Variants in VAX2 observed in about 807,000 individuals in gnomAD.
The protein encoded by VAX2 is ventral anterior homeobox 2.
Under a neutral mutation model 12.5 loss-of-function variants are expected in VAX2, and 8 were observed. The ratio of observed to expected loss-of-function variants is 0.64; its 90% CI spans 0.37 to 1.15. The LOEUF is 1.15. VAX2 is among the 50% of genes most tolerant of loss of function. The pLI is 0.01. For missense variants in VAX2, 476 were observed against 412.9 expected (o/e 1.15, Z -1.32); for synonymous variants, 183 against 187.6 (o/e 0.98, Z 0.20).
chr2:70,913,534 G>C (rs1023509819), intron 1 of VAX2, among the ~76,000 whole-genome samples: 13 of 152,138 alleles, frequency 8.5e-5, no homozygotes, highest in Admixed American at 7.9e-4. Flanking sequence ...AAAATTAGCG[G>C]GCATGGTGGT....
chr2:70,902,697 A>C (rs1249041790), intron 1 of VAX2, among the ~76,000 whole-genome samples: 1 of 152,214 alleles, frequency 6.6e-6, no homozygotes, highest in Non-Finnish European at 1.5e-5. Flanking sequence ...GATGTCAATT[A>C]AATAGCCTTC....
chr2:70,910,185 A>G (rs554069882), intron 1 of VAX2, among the ~76,000 whole-genome samples: 1 of 152,200 alleles, frequency 6.6e-6, no homozygotes, highest in South Asian at 2.1e-4. Context: ...TAATAATTAC[A>G]GCAGAATAGA....
At chr2:70,931,945 GCTT>G (rs1553414378) in intron 2 of VAX2, among the ~76,000 whole-genome samples, 1 of 152,200 alleles carries the variant, frequency 6.6e-6, no homozygotes, top group African/African-American at 2.4e-5. Flanking sequence ...TAAAACACTG[GCTT>G]CTTCACCTTG....
chr2:70,932,150 G>T (rs987192579), intron 2 of VAX2, among the ~76,000 whole-genome samples: 1 of 152,180 alleles, frequency 6.6e-6, no homozygotes, highest in Non-Finnish European at 1.5e-5. Context: ...AGGGAGAGAG[G>T]AGGGTCTGTT....
intron 1 of VAX2, among the ~76,000 whole-genome samples, chr2:70,901,286 G>T (rs1256162052): frequency 1.3e-5 from 2 of 152,264 alleles, no homozygotes; most frequent in African/African-American, 4.8e-5. Context: ...GGAGGAAAAG[G>T]CCCCGGCTCT....
chr2:70,931,442 C>T (rs999132269), intron 2 of VAX2, among the ~76,000 whole-genome samples: 13 of 152,160 alleles, frequency 8.5e-5, no homozygotes, highest in East Asian at 1.9e-4. Context: ...AACTTCAAAC[C>T]GGGCAATGGC....
chr2:70,932,668 C>T (rs1553414480), intron 2 of VAX2, 99 bp from the exon 3 acceptor site: 10 of 544,800 alleles, frequency 1.8e-5, no homozygotes, highest in Admixed American at 4.6e-5. Context: ...ACCACCTGCC[C>T]CAACCCCATG....
At chr2:70,925,849 T>C (rs1480159953) in intron 2 of VAX2, among the ~76,000 whole-genome samples, 1 of 152,192 alleles carries the variant, frequency 6.6e-6, no homozygotes, top group Non-Finnish European at 1.5e-5. Context: ...CTGCTGAGTA[T>C]GTGCTCCAAC....
Position 70,933,021 on chromosome 2 carries a change from C to A in VAX2, c.690C>A (p.Asn230Lys). The A allele has an allele frequency of 1.3e-6, 2 of 1,598,504 alleles. No individual in the cohort carries two copies. Among genetic ancestry groups the A allele is most frequent in the African/African-American group, 1.3e-5 (1 of 74,662 alleles). The change falls in exon 3 of 3, where the codon AAC becomes AAA. Residue 230 changes from asparagine (N) to lysine (K), a missense_variant. By Grantham distance (94) the Asn-to-Lys change is moderately conservative. Coordinates refer to ENST00000234392, the MANE Select transcript of VAX2 (RefSeq NM_012476.3). ...CCAGGAACTCCTCCCCACGCCTCAA[C>A]CCGCTGTCCTCGGCCTCAGCGTCCC... ...GDPRNSSPRL[N>K]PLSSASASPP...
At position 70,921,371 on chromosome 2, in the gene VAX2, G is replaced by C. The variant is rs1679454931; in HGVS notation, c.435+86G>C. The C allele has an allele frequency of 2.8e-6, 4 of 1,420,796 alleles. No individual in the cohort carries two copies. In the African/African-American group the frequency reaches 4.4e-5, roughly 16 times the overall value. 88.0% of individuals were successfully genotyped at this position (1,420,796 alleles called of 1,614,324 possible). A position where few individuals can be genotyped will look rare whatever the true frequency, so the allele number is the denominator to read the frequency against. ...TATGAGGCCCTGTGAGCTGCTACAG[G>C]GAGACCCAACTTTGGAGGAGTTCAG... On this transcript the variant is annotated intron_variant, in intron 2 of 2. Transcript: ENST00000234392.
chr2:70,922,318 C>T (rs1553412968), intron 2 of VAX2, among the ~76,000 whole-genome samples: 1 of 151,226 alleles, frequency 6.6e-6, no homozygotes, highest in African/African-American at 2.4e-5. Context: ...AAGCACTGGT[C>T]TGGAGCAGTG....
chr2:70,933,132 G>T lies in VAX2; in HGVS notation c.801G>T (p.Ser267=). 1 of 1,602,632 alleles carries T rather than the reference G, an allele frequency of 6.2e-7. No individual in the cohort carries two copies. Among genetic ancestry groups the T allele is most frequent in the South Asian group, 1.1e-5 (1 of 88,792 alleles). ...CTGCCGGCTACGAACTGGGTTCCTC[G>T]GCCTTCGAGCCATACAGCTGGCTAG... is the stretch of plus-strand genomic sequence containing the variant. ...DLPAGYELGS[S]AFEPYSWLER... is the part of the protein sequence containing the mutation. The change falls in exon 3 of 3, where the codon TCG becomes TCT. Residue 267 remains serine (S), a synonymous_variant. Coordinates refer to ENST00000234392, the MANE Select transcript of VAX2 (RefSeq NM_012476.3).
chr2:70,919,522 TA>T, intron 1 of VAX2, among the ~76,000 whole-genome samples: 1 of 152,034 alleles, frequency 6.6e-6, no homozygotes, highest in East Asian at 1.9e-4. Context: ...TCTCATTTTT[TA>T]AAAACAAAGA....
At chr2:70,901,464 G>T (rs543281898) in intron 1 of VAX2, among the ~76,000 whole-genome samples, 53 of 152,248 alleles carry the variant, frequency 3.5e-4, no homozygotes, top group Admixed American at 3.5e-3. Flanking sequence ...TCCTCGCGGC[G>T]CCTGGGCCCA....
chr2:70,908,292 T>A (rs1246240113), intron 1 of VAX2, among the ~76,000 whole-genome samples: 3 of 152,202 alleles, frequency 2.0e-5, no homozygotes, highest in Non-Finnish European at 4.4e-5. Context: ...GGATTACAGG[T>A]GGGAGCCACT....
intron 1 of VAX2, among the ~76,000 whole-genome samples, chr2:70,902,689 T>C (rs1182042408): frequency 1.3e-5 from 2 of 152,208 alleles, no homozygotes; most frequent in African/African-American, 4.8e-5. Context: ...TGTGTACAGA[T>C]GTCAATTAAA....
At chr2:70,918,550 T>TGA (rs1679361017) in intron 1 of VAX2, among the ~76,000 whole-genome samples, 1 of 152,202 alleles carries the variant, frequency 6.6e-6, no homozygotes, top group Non-Finnish European at 1.5e-5. Flanking sequence ...ATTCCATCTT[T>TGA]TACTCATGAC....
chr2:70,919,074 C>T (rs1404802975), intron 1 of VAX2, among the ~76,000 whole-genome samples: 18 of 150,096 alleles, frequency 1.2e-4, no homozygotes, highest in African/African-American at 3.9e-4. Context: ...TGGTGGCGCA[C>T]GCCTGTAGTC....
intron 1 of VAX2, among the ~76,000 whole-genome samples, chr2:70,915,521 C>T (rs561267898): frequency 2.0e-5 from 3 of 152,250 alleles, no homozygotes; most frequent in East Asian, 3.9e-4. Context: ...TGAGCCACCA[C>T]GCCTAGCCTA....
Sources: gnomAD v4.1 joint callset for allele counts (sites outside exome capture counted in the v4.1 genomes callset) on GRCh38, gnomAD v4.1.1 for gene constraint, MANE v1.5 for transcripts, NCBI Gene and HGNC (gene_info 2026-07-23, HGNC 2026-07-21) for gene names.